The following TENM4 variants were observed in gnomAD, a reference collection of about 807,000 sequenced individuals.
The protein encoded by TENM4 is teneurin-4.
A neutral mutation model predicts 243.3 loss-of-function variants in TENM4; 82 were observed. The ratio of observed to expected loss-of-function variants is 0.34; its 90% CI spans 0.28 to 0.40. The LOEUF (loss-of-function observed/expected upper bound fraction) is 0.40. Ranked by LOEUF, TENM4 falls within the 10% of genes least tolerant of loss-of-function variation. The probability of loss-of-function intolerance (pLI) is 1.00; values close to 1 mark genes in which losing one functional copy is unlikely to be tolerated. For synonymous variants in TENM4, 1,412 were observed against 1,456.3 expected, an observed-to-expected ratio of 0.97 and a Z score of 0.69; for missense variants, 3,138 against 3,673.3, an observed-to-expected ratio of 0.85 and a Z score of 3.77.
intron 6 of TENM4, among the ~76,000 whole-genome samples, chr11:78,968,542 A>G (rs1401191405): frequency 1.3e-5 from 2 of 152,200 alleles, no homozygotes; most frequent in Non-Finnish European, 2.9e-5. Context: ...GAGTTCTTTT[A>G]TAGCAATGCA....
At chr11:79,418,539 A>G (rs2135585276) in intron 1 of TENM4, among the ~76,000 whole-genome samples, 1 of 152,282 alleles carries the variant, frequency 6.6e-6, no homozygotes, top group South Asian at 2.1e-4. Flanking sequence ...ATATGGCTCC[A>G]CCACCCAACA....
intron 4 of TENM4, among the ~76,000 whole-genome samples, chr11:79,085,361 A>T (rs1860784072): frequency 1.4e-5 from 2 of 139,098 alleles, no homozygotes; most frequent in Non-Finnish European, 3.0e-5. Flanking sequence ...TGGGCGAAAG[A>T]GCGAGACTCT....
chr11:78,995,876 T>C (rs1352262577), intron 6 of TENM4, among the ~76,000 whole-genome samples: 2 of 152,098 alleles, frequency 1.3e-5, no homozygotes, highest in Non-Finnish European at 1.5e-5. Flanking sequence ...TTTAGGTTCT[T>C]CACCTGCACA....
Position 78,749,831 on chromosome 11 carries a change from A to G in TENM4, c.2756+6974T>C, listed in dbSNP as rs771056373. Among the ~76,000 whole-genome samples the G allele has an allele frequency of 3.5e-4, 54 of 152,130 alleles. 1 individual carries two copies. Among genetic ancestry groups the G allele is most frequent in the Non-Finnish European group, 1.6e-4 (11 of 68,014 alleles). On this transcript the variant is annotated intron_variant, in intron 19 of 33. Transcript: ENST00000278550. ...GGTCCTGATTGAGATGAAATGCTGG[A>G]ACTTGGTTAGTGAACGGGTGAGGGT...
intron 32 of TENM4, among the ~76,000 whole-genome samples, chr11:78,665,036 A>T (rs1462213568): frequency 6.6e-6 from 1 of 152,178 alleles, no homozygotes; most frequent in African/African-American, 2.4e-5. Flanking sequence ...TCAGAAGTAG[A>T]TATTTCCCTC....
rs1428052290 is a variant in TENM4 at position 78,729,427 on chromosome 11, C to A, written c.3355G>T (p.Asp1119Tyr). The change falls in exon 22 of 34, where the codon GAC becomes TAC. Residue 1119 changes from aspartate (D) to tyrosine (Y), a missense_variant. Physicochemically the swap from Asp to Tyr is radical, Grantham distance 160. This residue lies in a region of TENM4 where 2,467 missense variants were observed against 3,059.1 expected (regional missense o/e 0.81). Coordinates refer to ENST00000278550, the MANE Select transcript of TENM4 (RefSeq NM_001098816.3). ...TTCTGGTTGTAGACGTCTGTCTTGT[C>A]CCAAATGAAATAATAGGACAGGTCT... ...APDLSYYFIW[D>Y]KTDVYNQKVF... 1 of 1,595,930 alleles carries A rather than the reference C, an allele frequency of 6.3e-7. No homozygotes were observed. The highest frequency in any genetic ancestry group is 8.5e-7 in the Non-Finnish European group (1 of 1,170,630).
rs1459176898 is a variant in TENM4, at chr11:79,138,444, AT to A, written c.-66+10265del. ...TATATTATATATAAATATATATTATATTTATATATAATATATTTTAATATAT... is the reference window on the plus strand; with the variant it reads ...TATATTATATATAAATATATATTATATTATATATAATATATTTTAATATAT... On this transcript the variant is annotated intron_variant, in intron 4 of 33. Transcript: ENST00000278550. 5.2e-3 allele frequency among the ~76,000 whole-genome samples: 606 copies of A among 115,854 alleles called. 8 individuals carry two copies. The highest frequency in any genetic ancestry group is 0.021 in the African/African-American group (575 of 28,028). 76.0% of individuals were successfully genotyped at this position (115,854 alleles called of 152,430 possible). A position where few individuals can be genotyped will look rare whatever the true frequency, so the allele number is the denominator to read the frequency against.
rs80247064 is a variant in TENM4, at chr11:79,050,011, C to A, written c.493+14727G>T. Among the ~76,000 whole-genome samples the A allele has an allele frequency of 8.8e-3, 1,341 of 152,262 alleles. 23 individuals are homozygous for A. The highest frequency in any genetic ancestry group is 0.031 in the African/African-American group (1,305 of 41,544). The stretch of plus-strand genomic sequence containing the variant: ...CACTCCATGTTGTGTCCTGTAAATG[C>A]TTTTAGTGACTTATTGAACCTTGGG... On this transcript the variant is annotated intron_variant, in intron 6 of 33. Transcript: ENST00000278550.
intron 6 of TENM4, among the ~76,000 whole-genome samples, chr11:79,026,436 G>A (rs918028955): frequency 2.6e-5 from 4 of 152,138 alleles, no homozygotes; most frequent in Admixed American, 6.5e-5. Flanking sequence ...TAACAAGAGC[G>A]CCATGGACAC....
chr11:78,757,073 G>A (rs1565365999), intron 18 of TENM4, 52 bp from the exon 19 acceptor site: 10 of 1,531,284 alleles, frequency 6.5e-6, no homozygotes, highest in Non-Finnish European at 8.9e-7. Flanking sequence ...AATCAGCCAT[G>A]TTTATCCAGA....
chr11:79,269,424 A>G (rs911567799), intron 2 of TENM4, among the ~76,000 whole-genome samples: 4 of 152,226 alleles, frequency 2.6e-5, no homozygotes, highest in Non-Finnish European at 5.9e-5. Flanking sequence ...AATAAAAACA[A>G]AAATAAAGCC....
At chr11:78,703,898 C>T (rs1859166436) in intron 27 of TENM4, among the ~76,000 whole-genome samples, 1 of 151,260 alleles carries the variant, frequency 6.6e-6, no homozygotes, top group South Asian at 2.1e-4. Flanking sequence ...GTCACCCGGG[C>T]TGGAGTGAAG....
chr11:78,814,275 T>C lies in TENM4; in HGVS notation c.1783+19A>G. ...GGTCTGGGAAGCAGAAATCCAGAGC[T>C]CCAATGCAGAGTTCTCACCTCTGCC... is the stretch of plus-strand genomic sequence containing the variant. On this transcript the variant is annotated intron_variant, in intron 13 of 33. Transcript: ENST00000278550. 1.3e-6 allele frequency: 2 copies of C among 1,547,756 alleles called. No homozygotes were observed. Among genetic ancestry groups the C allele is most frequent in the East Asian group, 2.5e-5 (1 of 40,494 alleles).
At position 78,655,513 on chromosome 11, in the gene TENM4, T is replaced by C. The variant is rs1276736439; in HGVS notation, c.*2545A>G. On this transcript the variant is annotated 3_prime_UTR_variant, in exon 34 of 34. Transcript: ENST00000278550. ...GCAACATAGTGAGACCCCATCTCTATGAAAAAAAAAAGAAAGAAAGAAAAA... is the reference window on the plus strand; with the variant it reads ...GCAACATAGTGAGACCCCATCTCTACGAAAAAAAAAAGAAAGAAAGAAAAA... The C allele has an allele frequency of 2.7e-5, 4 of 149,076 alleles. No individual in the cohort carries two copies. The East Asian group carries it at 7.9e-4, about 30-fold the overall frequency. 9.2% of individuals were successfully genotyped at this position (149,076 alleles called of 1,614,324 possible).
At chr11:78,798,684 G>T (rs1857217349) in intron 15 of TENM4, among the ~76,000 whole-genome samples, 1 of 151,974 alleles carries the variant, frequency 6.6e-6, no homozygotes, top group Non-Finnish European at 1.5e-5. Context: ...ACTGAGCCGC[G>T]ACTGTCCAGC....
At chr11:79,254,283 G>A (rs756068584) in intron 2 of TENM4, among the ~76,000 whole-genome samples, 3 of 152,156 alleles carry the variant, frequency 2.0e-5, no homozygotes, top group African/African-American at 4.8e-5. Context: ...TGAGGTAAAC[G>A]ATGTATGGCA....
At chr11:79,414,282 A>C (rs1293022744) in intron 1 of TENM4, among the ~76,000 whole-genome samples, 2 of 152,184 alleles carry the variant, frequency 1.3e-5, no homozygotes, top group African/African-American at 4.8e-5. Flanking sequence ...TAGTAAAAAG[A>C]GCTTTCGACT....
At chr11:78,727,481 A>T (rs1002325787) in intron 22 of TENM4, among the ~76,000 whole-genome samples, 2 of 151,974 alleles carry the variant, frequency 1.3e-5, no homozygotes, top group African/African-American at 4.8e-5. Context: ...AACTAGTTGT[A>T]TTTGTTTACA....
intron 2 of TENM4, among the ~76,000 whole-genome samples, chr11:79,229,875 G>A (rs774013202): frequency 6.6e-6 from 1 of 151,980 alleles, no homozygotes; most frequent in Admixed American, 6.6e-5. Flanking sequence ...AATCCAGGCT[G>A]GAGTGTAGTG....
Sources: gnomAD v4.1 joint callset for allele counts (sites outside exome capture counted in the v4.1 genomes callset) on GRCh38, gnomAD v4.1.1 for gene constraint, gnomAD v4.1.1 regional missense constraint, MANE v1.5 for transcripts, NCBI Gene and HGNC (gene_info 2026-07-23, HGNC 2026-07-21) for gene names.